KALRN: variants seen among roughly 807,000 people sequenced by gnomAD.
The protein encoded by KALRN is kalirin RhoGEF kinase.
In KALRN, 70 loss-of-function variants were observed where a neutral mutation model predicts 353.7. The ratio of observed to expected loss-of-function variants is 0.20; its 90% CI spans 0.16 to 0.24. KALRN has a LOEUF of 0.24. Ranked by LOEUF, KALRN falls within the 10% of genes least tolerant of loss-of-function variation. The pLI is 1.00. For missense variants in KALRN, 2,791 were observed against 3,756.7 expected (o/e 0.74, Z 6.72); for synonymous variants, 1,391 against 1,434.8 (o/e 0.97, Z 0.69).
intron 33 of KALRN, among the ~76,000 whole-genome samples, chr3:124,545,949 G>A (rs1362482504): frequency 1.3e-5 from 2 of 152,144 alleles, no homozygotes; most frequent in Non-Finnish European, 2.9e-5. Context: ...TGAGAAAGCA[G>A]AGATCACACA....
At chr3:124,260,322 CCA>C (rs2072660394) in intron 3 of KALRN, among the ~76,000 whole-genome samples, 2 of 152,134 alleles carry the variant, frequency 1.3e-5, no homozygotes, top group South Asian at 4.1e-4. Context: ...GCTCCCAGGC[CCA>C]AATGTGGCAG....
rs531676490 is a variant in KALRN at position 124,122,605 on chromosome 3, G to A, written c.73+88792G>A. On this transcript the variant is annotated intron_variant, in intron 1 of 59. Coordinates refer to ENST00000682506, the MANE Select transcript of KALRN (RefSeq NM_001388419.1). ...GTTTCATTATTATTATATCTATTATGGTTATCTGTGATCAGGGATCTTTGA... is the reference window on the plus strand; with the variant it reads ...GTTTCATTATTATTATATCTATTATAGTTATCTGTGATCAGGGATCTTTGA... Among the ~76,000 whole-genome samples the A allele has an allele frequency of 2.0e-5, 3 of 152,126 alleles. No individual in the cohort carries two copies. The South Asian group carries it at 6.3e-4, about 32-fold the overall frequency.
chr3:124,253,663 G>A (rs993633179), intron 3 of KALRN, among the ~76,000 whole-genome samples: 4 of 152,114 alleles, frequency 2.6e-5, no homozygotes, highest in Non-Finnish European at 4.4e-5. Context: ...CTCTCTACCC[G>A]TGTTCAGTTT....
intron 34 of KALRN, among the ~76,000 whole-genome samples, chr3:124,628,619 A>G (rs2080375787): frequency 1.4e-5 from 2 of 147,018 alleles, no homozygotes; most frequent in African/African-American, 5.1e-5. Context: ...TCTGTTGACC[A>G]GGCTAAAGTG....
At chr3:124,505,535 A>G (rs2065112844) in intron 33 of KALRN, among the ~76,000 whole-genome samples, 1 of 152,194 alleles carries the variant, frequency 6.6e-6, no homozygotes, top group Non-Finnish European at 1.5e-5. Flanking sequence ...AGGGAGGCTG[A>G]GGTGGGAGGA....
chr3:124,254,761 C>T (rs538150216), intron 3 of KALRN, among the ~76,000 whole-genome samples: 2 of 152,224 alleles, frequency 1.3e-5, no homozygotes, highest in African/African-American at 4.8e-5. Flanking sequence ...GTCTATTCAG[C>T]TGGAAGATTT....
At chr3:124,377,373 A>G in intron 10 of KALRN, among the ~76,000 whole-genome samples, 1 of 152,156 alleles carries the variant, frequency 6.6e-6, no homozygotes, top group East Asian at 1.9e-4. Context: ...TATTTCTGTT[A>G]CTGATTTCTA....
chr3:124,326,389 G>T (rs767639184), intron 7 of KALRN, among the ~76,000 whole-genome samples: 5 of 152,174 alleles, frequency 3.3e-5, no homozygotes, highest in Non-Finnish European at 7.3e-5. Context: ...TGGTGACTTT[G>T]CTTGTCATAC....
chr3:124,395,848 G>T lies in KALRN; in HGVS notation c.2171+505G>T, dbSNP rs919110020. Among the ~76,000 whole-genome samples, 10 of 152,254 alleles carry T rather than the reference G, an allele frequency of 6.6e-5. 1 individual carries two copies. The highest frequency in any genetic ancestry group is 5.2e-4 in the Admixed American group (8 of 15,296). ...TACCAGTTCCCTGTTACCCAATTAT[G>T]ACCTTTTACCATTCCTTGCTGCCCA... On this transcript the variant is annotated intron_variant, in intron 12 of 59. Coordinates refer to ENST00000682506, the MANE Select transcript of KALRN (RefSeq NM_001388419.1).
At chr3:124,035,605 C>T (rs919021145) in intron 1 of KALRN, among the ~76,000 whole-genome samples, 3 of 152,184 alleles carry the variant, frequency 2.0e-5, no homozygotes, top group East Asian at 1.9e-4. Context: ...TCCAGGCACC[C>T]GTAGCAGAGC....
chr3:124,606,605 A>G (rs1157025101), intron 34 of KALRN, among the ~76,000 whole-genome samples: 1 of 152,214 alleles, frequency 6.6e-6, no homozygotes, highest in Non-Finnish European at 1.5e-5. Flanking sequence ...AGTCAGGTAA[A>G]TTATATCCAC....
chr3:124,563,125 G>T (rs1314703675), intron 34 of KALRN, 36 bp downstream of exon 34: 1 of 1,356,124 alleles, frequency 7.4e-7, no homozygotes, highest in Non-Finnish European at 9.9e-7. Flanking sequence ...CACAGACCAA[G>T]GAGGCCATGA....
chr3:124,681,247 A>T (rs911361230), intron 51 of KALRN, among the ~76,000 whole-genome samples: 1 of 152,178 alleles, frequency 6.6e-6, no homozygotes, highest in African/African-American at 2.4e-5. Flanking sequence ...CCCATTCTAC[A>T]CTTAGATAAA....
intron 33 of KALRN, among the ~76,000 whole-genome samples, chr3:124,551,513 T>C (rs556810783): frequency 6.6e-5 from 10 of 152,264 alleles, no homozygotes; most frequent in African/African-American, 2.4e-4. Flanking sequence ...GCAACTGACC[T>C]AGAAAGAGGC....
At chr3:124,634,512 T>C (rs1361938089) in intron 36 of KALRN, among the ~76,000 whole-genome samples, 1 of 152,222 alleles carries the variant, frequency 6.6e-6, no homozygotes, top group African/African-American at 2.4e-5. Flanking sequence ...CCCGCTGGCA[T>C]GCATAGGCTC....
At chr3:124,496,006 T>TATATATATATAC (rs2063781456) in intron 32 of KALRN, among the ~76,000 whole-genome samples, 2 of 54,970 alleles carry the variant, frequency 3.6e-5, no homozygotes, top group Non-Finnish European at 6.1e-5. Flanking sequence ...TATATATATA[T>TATATATATATAC]ATATATACAC....
chr3:124,048,055 A>G (rs540266947), intron 1 of KALRN, among the ~76,000 whole-genome samples: 5 of 152,156 alleles, frequency 3.3e-5, no homozygotes, highest in Non-Finnish European at 7.3e-5. Flanking sequence ...AAGGGGGTAG[A>G]CTTTTTCCAA....
intron 10 of KALRN, among the ~76,000 whole-genome samples, chr3:124,371,828 T>C (rs924208728): frequency 6.6e-6 from 1 of 152,230 alleles, no homozygotes; most frequent in Non-Finnish European, 1.5e-5. Flanking sequence ...TTTTAAGATA[T>C]ACAATAAAGT....
chr3:124,594,446 G>A (rs949406313), intron 34 of KALRN, among the ~76,000 whole-genome samples: 5 of 152,146 alleles, frequency 3.3e-5, no homozygotes, highest in African/African-American at 4.8e-5. Flanking sequence ...GGATGGTCTC[G>A]ATCTCTTGAC....
Sources: gnomAD v4.1 joint callset for allele counts (sites outside exome capture counted in the v4.1 genomes callset) on GRCh38, gnomAD v4.1.1 for gene constraint, MANE v1.5 for transcripts, NCBI Gene and HGNC (gene_info 2026-07-23, HGNC 2026-07-21) for gene names.